The following TGM5 variants were observed in gnomAD, a reference collection of about 807,000 sequenced individuals.
TGM5 encodes the protein transglutaminase 5, also known as protein-glutamine gamma-glutamyltransferase 5.
TGM5 carries 69 observed loss-of-function variants against 77.2 expected under a neutral mutation model. That is an observed-to-expected ratio of 0.89 (90% confidence interval 0.74 to 1.09). The LOEUF (loss-of-function observed/expected upper bound fraction) is 1.09. TGM5 is among the 50% of genes least tolerant of loss of function. TGM5 has a pLI of 0.00. For synonymous variants in TGM5, 346 were observed against 351.8 expected, an observed-to-expected ratio of 0.98 and a Z score of 0.18; for missense variants, 842 against 896.5, an observed-to-expected ratio of 0.94 and a Z score of 0.78.
At chr15:43,253,014 C>CA in intron 5 of TGM5, 78 bp from the exon 6 acceptor site, 1 of 1,499,250 alleles carries the variant, frequency 6.7e-7, no homozygotes, top group Non-Finnish European at 9.2e-7. Flanking sequence ...CTTGGAAGAC[C>CA]CATGGGCCTG....
At chr15:43,264,388 C>T (rs891288745) in intron 1 of TGM5, among the ~76,000 whole-genome samples, 2 of 151,828 alleles carry the variant, frequency 1.3e-5, no homozygotes, top group African/African-American at 4.8e-5. Flanking sequence ...TGTCCATCAA[C>T]TGAAGAATAG....
chr15:43,253,734 A>T, intron 4 of TGM5, 100 bp from the exon 5 acceptor site: 2 of 1,500,074 alleles, frequency 1.3e-6, no homozygotes, highest in Middle Eastern at 1.8e-4. Flanking sequence ...ATATAAACTC[A>T]CTTGGAAGGT....
chr15:43,256,478 C>A, intron 4 of TGM5, 90 bp downstream of exon 4: 2 of 1,022,636 alleles, frequency 2.0e-6, no homozygotes, highest in Non-Finnish European at 3.1e-6. Flanking sequence ...TAGCGTTGGT[C>A]AGCAGTTCTA....
At chr15:43,248,061 C>A (rs2042680264) in intron 6 of TGM5, among the ~76,000 whole-genome samples, 1 of 151,570 alleles carries the variant, frequency 6.6e-6, no homozygotes, top group Admixed American at 6.6e-5. Context: ...ATGGTAAGTG[C>A]CATGAAATGA....
chr15:43,253,036 AG>A (rs2042717006), intron 5 of TGM5, 100 bp from the exon 6 acceptor site: 3 of 1,347,348 alleles, frequency 2.2e-6, no homozygotes, highest in Non-Finnish European at 3.1e-6. Context: ...GAAACAGAGG[AG>A]AGACTTTTGA....
chr15:43,254,257 G>A (rs2042728396), intron 4 of TGM5, among the ~76,000 whole-genome samples: 2 of 152,144 alleles, frequency 1.3e-5, no homozygotes, highest in South Asian at 2.1e-4. Flanking sequence ...TGCCCTCTCC[G>A]CGTGAGACTC....
intron 10 of TGM5, 151 bp from the exon 11 acceptor site, chr15:43,235,080 G>A (rs1035974541): frequency 1.0e-6 from 1 of 973,702 alleles, no homozygotes; most frequent in Non-Finnish European, 1.5e-6. Context: ...GAGGAAATGA[G>A]CTGAAAAGAG....
At chr15:43,234,992 A>T in intron 10 of TGM5, 63 bp from the exon 11 acceptor site, 3 of 1,590,410 alleles carry the variant, frequency 1.9e-6, no homozygotes, top group Non-Finnish European at 2.6e-6. Context: ...CCTGGGTTGG[A>T]CCTGGGTCTC....
In TGM5 at chr15:43,247,158, C is replaced by CAA. The variant is rs763763932; in HGVS notation, c.862+5599_862+5600dup. Among the ~76,000 whole-genome samples, 224 of 53,458 alleles carry CAA rather than the reference C, an allele frequency of 4.2e-3. 3 individuals carry two copies. Among genetic ancestry groups the CAA allele is most frequent in the African/African-American group, 0.012 (197 of 15,838 alleles). 35.1% of individuals were successfully genotyped at this position (53,458 alleles called of 152,430 possible). A position where few individuals can be genotyped will look rare whatever the true frequency, so the allele number is the denominator to read the frequency against. On this transcript the variant is annotated intron_variant, in intron 6 of 12. Coordinates refer to ENST00000220420, the MANE Select transcript of TGM5 (RefSeq NM_201631.4). ...GGGCGACAAGAGCGAGACTCTGTCT[C>CAA]AAAAAAAAAAAAAAAAAAAAGCAAA...
At chr15:43,253,674 G>T in intron 4 of TGM5, 40 bp from the exon 5 acceptor site, 3 of 1,607,340 alleles carry the variant, frequency 1.9e-6, no homozygotes, top group Non-Finnish European at 2.5e-6. Flanking sequence ...ACCCATGCTT[G>T]TCACGTGGGA....
chr15:43,241,458 T>G (rs2042635566), intron 6 of TGM5, among the ~76,000 whole-genome samples: 1 of 152,188 alleles, frequency 6.6e-6, no homozygotes, highest in Admixed American at 6.5e-5. Flanking sequence ...CCCCTTTTCC[T>G]GGGTATATGA....
rs567239754 is a variant in TGM5, at chr15:43,243,386, C to G, written c.863-2396G>C. Among the ~76,000 whole-genome samples, 5 of 152,284 alleles carry G rather than the reference C, an allele frequency of 3.3e-5. No homozygotes were observed. The East Asian group carries it at 9.7e-4, about 29-fold the overall frequency. ...TGGGATATGCTTTGGGTACCAAGCT[C>G]AACTGTCCGTAGAGCATAAGCTTTG... On this transcript the variant is annotated intron_variant, in intron 6 of 12. Transcript: ENST00000220420.
In TGM5 at chr15:43,235,373, G is replaced by A. The variant is rs2042580559; in HGVS notation, c.1714+96C>T. On this transcript the variant is annotated intron_variant, in intron 10 of 12. Coordinates refer to ENST00000220420, the MANE Select transcript of TGM5 (RefSeq NM_201631.4). The stretch of plus-strand genomic sequence containing the variant: ...CAGAGGGGACAGTAGAAATGATGGT[G>A]TCTCAGGGGTCTGCCCCCAGAACCC... 2.6e-6 allele frequency: 4 copies of A among 1,525,822 alleles called. No individual in the cohort carries two copies. The Admixed American group carries it at 5.2e-5, about 20-fold the overall frequency. 94.5% of individuals were successfully genotyped at this position (1,525,822 alleles called of 1,614,324 possible).
chr15:43,266,376 A>G (rs471122), intron 1 of TGM5, among the ~76,000 whole-genome samples: 63,724 of 152,044 alleles, frequency 0.42, 15,569 homozygotes, highest in African/African-American at 0.67. Context: ...AAGATCAGTA[A>G]TAGACCTTCT....
In TGM5 at chr15:43,253,535, C is replaced by T. The variant is rs775094098; in HGVS notation, c.655G>A (p.Val219Ile). 30 of 1,613,358 alleles carry T rather than the reference C, an allele frequency of 1.9e-5. No individual in the cohort carries two copies. The highest frequency in any genetic ancestry group is 2.4e-5 in the Non-Finnish European group (28 of 1,180,032). The part of the protein sequence containing the change: ...ATDCALRGSP[V>I]YVSRVVCAMI... ...GCACACACCACTCTGCTGACGTAGA[C>T]GGGGCTTCCCCGCAGAGCACAGTCT... The change falls in exon 5 of 13, where the codon GTC (valine) becomes ATC (isoleucine). Residue 219 changes from valine to isoleucine, a missense_variant. By Grantham distance (29) the Val-to-Ile change is conservative (BLOSUM62 3). Transcript: ENST00000220420.
At chr15:43,235,323 G>T in intron 10 of TGM5, 146 bp downstream of exon 10, 2 of 1,044,870 alleles carry the variant, frequency 1.9e-6, no homozygotes, top group Non-Finnish European at 2.9e-6. Flanking sequence ...GGGGGAAGGA[G>T]AAGAGGGAAG....
chr15:43,241,273 TGG>T, intron 6 of TGM5: 1 of 482,988 alleles, frequency 2.1e-6, no homozygotes, highest in South Asian at 2.1e-5. Flanking sequence ...GCCAGGAGGG[TGG>T]GACTGGCAAG....
intron 11 of TGM5, 55 bp downstream of exon 11, chr15:43,234,714 C>T (rs1014717944): frequency 2.5e-6 from 4 of 1,612,058 alleles, no homozygotes; most frequent in Non-Finnish European, 3.4e-6. Flanking sequence ...GGGCTTCACC[C>T]CCTCCCCGCC....
intron 6 of TGM5, among the ~76,000 whole-genome samples, chr15:43,250,549 T>C (rs2042697018): frequency 6.6e-6 from 1 of 152,194 alleles, no homozygotes; most frequent in South Asian, 2.1e-4. Flanking sequence ...TAAACATTAG[T>C]TACTATGGCT....
Sources: gnomAD v4.1 joint callset for allele counts (sites outside exome capture counted in the v4.1 genomes callset) on GRCh38, gnomAD v4.1.1 for gene constraint, MANE v1.5 for transcripts, NCBI Gene and HGNC (gene_info 2026-07-23, HGNC 2026-07-21) for gene names.